MAGI2: variants seen among roughly 807,000 people sequenced by gnomAD.
The protein encoded by MAGI2 is membrane-associated guanylate kinase, WW and PDZ domain-containing protein 2.
A neutral mutation model predicts 133.3 loss-of-function variants in MAGI2; 35 were observed. The observed-to-expected ratio is 0.26, with a 90% CI of 0.20 to 0.35. The LOEUF is 0.35. Ranked by LOEUF, MAGI2 falls within the 10% of genes least tolerant of loss-of-function variation. The pLI, the probability that MAGI2 is intolerant of heterozygous loss-of-function variation, is 1.00. For missense variants in MAGI2, 1,636 were observed against 1,863.4 expected (o/e 0.88, Z 2.25); for synonymous variants, 729 against 710.6 (o/e 1.03, Z -0.41).
chr7:78,723,007 C>T (rs191013194), intron 2 of MAGI2, among the ~76,000 whole-genome samples: 17 of 151,980 alleles, frequency 1.1e-4, no homozygotes, highest in Admixed American at 2.0e-4. Context: ...GAAATTATTG[C>T]CAAAGAGCAC....
intron 2 of MAGI2, among the ~76,000 whole-genome samples, chr7:78,952,345 T>C (rs1801937614): frequency 1.3e-5 from 2 of 152,178 alleles, no homozygotes; most frequent in South Asian, 4.1e-4. Flanking sequence ...TAAAACTGAA[T>C]AGTTTTTCTT....
chr7:78,211,805 G>A (rs1787792928), intron 10 of MAGI2, among the ~76,000 whole-genome samples: 1 of 152,062 alleles, frequency 6.6e-6, no homozygotes, highest in South Asian at 2.1e-4. Flanking sequence ...TCCACTTTTT[G>A]TTCTTTTAAG....
chr7:79,370,399 CT>C (rs754159202), intron 1 of MAGI2, among the ~76,000 whole-genome samples: 4 of 151,858 alleles, frequency 2.6e-5, no homozygotes, highest in Non-Finnish European at 4.4e-5. Context: ...GCCTAACATA[CT>C]GCTTTGGAAA....
At chr7:78,962,887 G>T (rs1246845443) in intron 2 of MAGI2, among the ~76,000 whole-genome samples, 1 of 151,900 alleles carries the variant, frequency 6.6e-6, no homozygotes, top group African/African-American at 2.4e-5. Flanking sequence ...CTAATAATGA[G>T]TTTAACTGGA....
At chr7:78,026,813 A>ATGAACCCAGGGCC (rs1563019118) in intron 21 of MAGI2, among the ~76,000 whole-genome samples, 1 of 152,222 alleles carries the variant, frequency 6.6e-6, no homozygotes, top group Non-Finnish European at 1.5e-5. Context: ...ATTACAGGGC[A>ATGAACCCAGGGCC]TGAACCCAGG....
intron 3 of MAGI2, among the ~76,000 whole-genome samples, chr7:78,563,111 A>C (rs1173513461): frequency 6.6e-6 from 1 of 151,992 alleles, no homozygotes; most frequent in African/African-American, 2.4e-5. Flanking sequence ...CAGAATTTGC[A>C]AATATGTGCA....
At chr7:78,716,194 C>T (rs1819683250) in intron 2 of MAGI2, among the ~76,000 whole-genome samples, 1 of 152,184 alleles carries the variant, frequency 6.6e-6, no homozygotes, top group African/African-American at 2.4e-5. Context: ...CAGTTCTTTT[C>T]CCACAGAGCC....
intron 2 of MAGI2, among the ~76,000 whole-genome samples, chr7:78,897,694 A>G (rs984357934): frequency 1.3e-5 from 2 of 152,192 alleles, no homozygotes; most frequent in Non-Finnish European, 2.9e-5. Flanking sequence ...TAATAGGAGT[A>G]GCATTGAATC....
rs145228270 is a variant in MAGI2 at position 78,968,662 on chromosome 7, T to G, written c.418+38428A>C. ...TTCTAGAAGTTGTACTATATCACAT[T>G]AAGCAAATATGTTAAATTCCAAAAG... On this transcript the variant is annotated intron_variant, in intron 2 of 21. Coordinates refer to ENST00000354212, the MANE Select transcript of MAGI2 (RefSeq NM_012301.4). Among the ~76,000 whole-genome samples, 709 of 152,168 alleles carry G rather than the reference T, an allele frequency of 4.7e-3. 9 individuals are homozygous for G. The highest frequency in any genetic ancestry group is 0.017 in the African/African-American group (687 of 41,556).
intron 8 of MAGI2, among the ~76,000 whole-genome samples, chr7:78,344,835 T>C (rs1052240079): frequency 2.0e-5 from 3 of 152,246 alleles, no homozygotes; most frequent in Admixed American, 2.0e-4. Context: ...CTATGATCTG[T>C]AATAAATATA....
intron 1 of MAGI2, among the ~76,000 whole-genome samples, chr7:79,305,989 C>CTT (rs765424561): frequency 4.3e-5 from 6 of 138,520 alleles, no homozygotes; most frequent in African/African-American, 1.3e-4. Context: ...CCTGTAGTAT[C>CTT]TTTTTTTTTT....
chr7:78,561,730 C>G (rs557872795), intron 3 of MAGI2, among the ~76,000 whole-genome samples: 8 of 151,990 alleles, frequency 5.3e-5, no homozygotes, highest in Admixed American at 3.3e-4. Flanking sequence ...TTTCAACCAA[C>G]GCAGGAAGCA....
At chr7:78,292,087 A>G (rs113488023) in intron 9 of MAGI2, among the ~76,000 whole-genome samples, 80 of 152,304 alleles carry the variant, frequency 5.3e-4, no homozygotes, top group African/African-American at 1.8e-3. Flanking sequence ...GGCCAGGGCA[A>G]TCAGGCAGGA....
In MAGI2 at chr7:79,268,473, G is replaced by A. The variant is rs776046256; in HGVS notation, c.301+184547C>T. Reference sequence around the variant, plus strand: ...TTTATAAATATGTAGCTTTCCTAGCGTTGGAAACGCTAACCTTTAACATGG... The same window carrying A: ...TTTATAAATATGTAGCTTTCCTAGCATTGGAAACGCTAACCTTTAACATGG... On this transcript the variant is annotated intron_variant, in intron 1 of 21. Transcript: ENST00000354212. 6.6e-5 allele frequency among the ~76,000 whole-genome samples: 10 copies of A among 152,096 alleles called. 1 individual carries two copies. The South Asian group carries it at 8.3e-4, about 13-fold the overall frequency.
chr7:79,104,174 A>G (rs928371035), intron 1 of MAGI2, among the ~76,000 whole-genome samples: 4 of 152,160 alleles, frequency 2.6e-5, no homozygotes, highest in Non-Finnish European at 5.9e-5. Context: ...ATCACACCTC[A>G]AGTAAGGAGC....
At chr7:78,091,052 A>G (rs372924851) in intron 20 of MAGI2, among the ~76,000 whole-genome samples, 111 of 150,118 alleles carry the variant, frequency 7.4e-4, no homozygotes, top group Non-Finnish European at 1.5e-3. Flanking sequence ...ATGTGTGTGT[A>G]TGTGTGTGTG....
At chr7:78,547,847 A>T (rs1276590931) in intron 3 of MAGI2, among the ~76,000 whole-genome samples, 2 of 152,208 alleles carry the variant, frequency 1.3e-5, no homozygotes, top group Admixed American at 1.3e-4. Context: ...TTATAATAAA[A>T]CAATATTGAG....
intron 3 of MAGI2, among the ~76,000 whole-genome samples, chr7:78,576,874 G>A (rs1035744145): frequency 4.6e-5 from 7 of 152,114 alleles, no homozygotes; most frequent in South Asian, 2.1e-4. Flanking sequence ...TGAGGCAGGC[G>A]TATTACTTGA....
intron 4 of MAGI2, among the ~76,000 whole-genome samples, chr7:78,508,409 A>G (rs1192591958): frequency 2.0e-5 from 3 of 152,230 alleles, no homozygotes; most frequent in Non-Finnish European, 4.4e-5. Context: ...CCTGATTAAT[A>G]TGGAAAATAG....
Sources: allele counts gnomAD v4.1 joint callset (sites outside exome capture counted in the v4.1 genomes callset), GRCh38; gene constraint gnomAD v4.1.1; transcripts MANE v1.5; gene names NCBI Gene and HGNC (gene_info 2026-07-23, HGNC 2026-07-21).